The following PRR5 variants were observed in gnomAD, a reference collection of about 807,000 sequenced individuals.
The protein encoded by PRR5 is proline rich 5.
A neutral mutation model predicts 30.6 loss-of-function variants in PRR5; 25 were observed. That is an observed-to-expected ratio of 0.82 (90% CI 0.60 to 1.14). The LOEUF is 1.14. PRR5 is among the 50% of genes most tolerant of loss of function. The pLI is 0.00. For synonymous variants in PRR5, 286 were observed against 247.1 expected, an observed-to-expected ratio of 1.16 and a Z score of -1.48; for missense variants, 600 against 547.1, an observed-to-expected ratio of 1.10 and a Z score of -0.96.
chr22:44,714,745 G>C, intron 2 of PRR5, 74 bp downstream of exon 2: 1 of 1,572,734 alleles, frequency 6.4e-7, no homozygotes, highest in Non-Finnish European at 8.7e-7. Context: ...GAAGGCCCCA[G>C]CCAGGCCCCT....
At chr22:44,676,458 A>G (rs1292343505), upstream of PRR5, among the ~76,000 whole-genome samples, 3 of 152,082 alleles carry the variant, frequency 2.0e-5, no homozygotes, top group Non-Finnish European at 4.4e-5. Context: ...AGAAAAAAGA[A>G]AAAACTGGCT....
intron 1 of PRR5, among the ~76,000 whole-genome samples, chr22:44,683,378 AG>A (rs1924460418): frequency 6.6e-6 from 1 of 152,214 alleles, no homozygotes; most frequent in South Asian, 2.1e-4. Flanking sequence ...TGGCAGCCCC[AG>A]CTCCTGAGGA....
At chr22:44,693,027 A>G (rs1925423095) in intron 1 of PRR5, among the ~76,000 whole-genome samples, 1 of 151,868 alleles carries the variant, frequency 6.6e-6, no homozygotes, top group Admixed American at 6.6e-5. Flanking sequence ...TCAGGGTGGG[A>G]CCTTTCCCCA....
In PRR5 at chr22:44,691,865, C is replaced by G. The variant is rs1331110184; in HGVS notation, c.-10-10627C>G. ...GGGGGCATGGCTGGTGGTTGCCACCCTGGTTGGACGCCCCTCCTCCACGAG... is the reference window on the plus strand; with the variant it reads ...GGGGGCATGGCTGGTGGTTGCCACCGTGGTTGGACGCCCCTCCTCCACGAG... On this transcript the variant is annotated intron_variant, in intron 1 of 8. Transcript: ENST00000006251. This position sits in a 1 kb window ranked among gnomAD's most constrained non-coding sequence, Gnocchi z 4.4. Among the ~76,000 whole-genome samples the G allele has an allele frequency of 6.6e-6, 1 of 152,106 alleles. No homozygotes were observed. The highest frequency in any genetic ancestry group is 2.4e-5 in the African/African-American group (1 of 41,420).
chr22:44,706,851 A>T (rs373118471), intron 1 of PRR5, among the ~76,000 whole-genome samples: 3 of 91,400 alleles, frequency 3.3e-5, no homozygotes, highest in Non-Finnish European at 7.5e-5. Context: ...TAAGGGAGCT[A>T]TGGATGCCCG....
intron 2 of PRR5, 108 bp from the exon 3 acceptor site, chr22:44,725,136 G>A: frequency 6.6e-7 from 1 of 1,525,422 alleles, no homozygotes; most frequent in East Asian, 2.3e-5. Flanking sequence ...TGGGCTGGCT[G>A]AGCATGCTGA....
upstream of PRR5, among the ~76,000 whole-genome samples, chr22:44,701,702 G>T (rs896848402): frequency 2.4e-4 from 37 of 152,372 alleles, 1 homozygote; most frequent in Admixed American, 1.6e-3. Flanking sequence ...GTCCAAGGGG[G>T]TCTAGGCTGA....
intron 4 of PRR5, 48 bp from the exon 5 acceptor site, chr22:44,731,682 T>A (rs1184108092): frequency 2.5e-6 from 4 of 1,594,928 alleles, no homozygotes; most frequent in Non-Finnish European, 3.4e-6. Flanking sequence ...AGTGGAGGCA[T>A]CTGCCCGCGC....
chr22:44,737,136 C>G lies in PRR5; in HGVS notation c.1056C>G (p.Ile352Met). ...GCCCGGAGAACCTGGTGGACCAGAT[C>G]CTGGAGTCCGTGGACTCGGATTCTG... Reference protein sequence around the residue: ...RSSPENLVDQILESVDSDSEG... With the variant: ...RSSPENLVDQMLESVDSDSEG... Residue 352 changes from isoleucine (I) to methionine (M), a missense_variant, in exon 8 of 8, where the codon ATC (isoleucine) becomes ATG (methionine). Coordinates refer to ENST00000336985, the MANE Select transcript of PRR5 (RefSeq NM_181333.4). 6.2e-7 allele frequency: 1 copy of G among 1,612,688 alleles called. No homozygotes were observed. The highest frequency in any genetic ancestry group is 8.5e-7 in the Non-Finnish European group (1 of 1,180,006).
intron 4 of PRR5, chr22:44,731,298 G>T: frequency 3.6e-6 from 1 of 278,366 alleles, no homozygotes; most frequent in Non-Finnish European, 7.1e-6. Flanking sequence ...TACCTGTGCG[G>T]GTCTCACCTG....
intron 1 of PRR5, among the ~76,000 whole-genome samples, chr22:44,695,347 TTGAGA>T (rs1201155051): frequency 2.0e-5 from 3 of 152,212 alleles, no homozygotes; most frequent in Non-Finnish European, 4.4e-5. Context: ...CATAATTGTT[TTGAGA>T]TAATTGTCCC....
At chr22:44,671,992 G>A (rs1022802242) in intron 1 of PRR5, among the ~76,000 whole-genome samples, 2 of 152,364 alleles carry the variant, frequency 1.3e-5, no homozygotes, top group East Asian at 3.9e-4. Flanking sequence ...TAGCCTTGTG[G>A]TGCATAGTCT....
rs201161761 is a variant in PRR5, at chr22:44,732,351, G to C, written c.515G>C (p.Arg172Pro). Reference sequence around the variant, plus strand: ...GATGCGCTGGCCCGGGCCCATGCCCGTGTGCCCCCTGCCATCGTGCAGATG... The same window carrying C: ...GATGCGCTGGCCCGGGCCCATGCCCCTGTGCCCCCTGCCATCGTGCAGATG... ...LEDALARAHA[R>P]VPPAIVQMLL... Residue 172 changes from arginine to proline, a missense_variant, in exon 6 of 8, where the codon CGT (arginine) becomes CCT (proline). By Grantham distance (103) the Arg-to-Pro change is moderately radical. Coordinates refer to ENST00000336985, the MANE Select transcript of PRR5 (RefSeq NM_181333.4). 17 of 1,611,444 alleles carry C rather than the reference G, an allele frequency of 1.1e-5. No individual in the cohort carries two copies. The South Asian group carries it at 1.5e-4, about 15-fold the overall frequency.
chr22:44,701,721 G>A (rs931037456), upstream of PRR5, among the ~76,000 whole-genome samples: 3 of 152,250 alleles, frequency 2.0e-5, no homozygotes, highest in Non-Finnish European at 2.9e-5. Context: ...GAGCCCGGGT[G>A]GAGTGGGTTC....
At chr22:44,725,096 C>A (rs1602066883) in intron 2 of PRR5, 148 bp from the exon 3 acceptor site, 1 of 1,146,950 alleles carries the variant, frequency 8.7e-7, no homozygotes, top group East Asian at 2.6e-5. Context: ...CAGGTCTGGA[C>A]AGGTGGGACC....
At chr22:44,693,208 A>T (rs1925436978) in intron 1 of PRR5, among the ~76,000 whole-genome samples, 1 of 152,086 alleles carries the variant, frequency 6.6e-6, no homozygotes, top group South Asian at 2.1e-4. Flanking sequence ...GAAAGTCTGA[A>T]ATCAAGGTGT....
At chr22:44,729,991 C>T (rs908019578) in intron 4 of PRR5, 72 of 985,336 alleles carry the variant, frequency 7.3e-5, no homozygotes, top group Non-Finnish European at 8.7e-5. Flanking sequence ...TTCCTGCTGG[C>T]CCCCATCACC....
chr22:44,675,249 CAAAAAAAAAA>C (rs1467963501), upstream of PRR5, among the ~76,000 whole-genome samples: 10 of 148,834 alleles, frequency 6.7e-5, no homozygotes, highest in South Asian at 2.1e-4. Context: ...GACGCTGTCT[CAAAAAAAAAA>C]GAAAAAAAAG....
Position 44,737,048 on chromosome 22 carries a change from A to T in PRR5, c.968A>T (p.Tyr323Phe), listed in dbSNP as rs773846550. ...TCAGGGCCCTGCCCCAGCAGACTGT[A>T]CCCCACGACCCAGCCCCCTGAGCAG... ...PHSGPCPSRL[Y>F]PTTQPPEQGL... is the part of the protein sequence containing the mutation. The change falls in exon 8 of 8, where the codon TAC becomes TTC. Residue 323 changes from tyrosine (Y) to phenylalanine (F), a missense_variant. Tyr to Phe is a conservative substitution (Grantham distance 22, BLOSUM62 3). Coordinates refer to ENST00000336985, the MANE Select transcript of PRR5 (RefSeq NM_181333.4). 1.2e-6 allele frequency: 2 copies of T among 1,606,826 alleles called. No individual in the cohort carries two copies. Among genetic ancestry groups the T allele is most frequent in the Non-Finnish European group, 8.5e-7 (1 of 1,177,538 alleles).
Sources: gnomAD v4.1 joint callset for allele counts (sites outside exome capture counted in the v4.1 genomes callset) on GRCh38, gnomAD v4.1.1 for gene constraint, Gnocchi (gnomAD v3.1) non-coding constraint, MANE v1.5 for transcripts, NCBI Gene and HGNC (gene_info 2026-07-23, HGNC 2026-07-21) for gene names.